The following ADAP1 variants were observed in gnomAD, a reference collection of about 807,000 sequenced individuals.
The protein encoded by ADAP1 is ArfGAP with dual PH domains 1, also known as arf-GAP with dual PH domain-containing protein 1.
ADAP1 carries 31 observed loss-of-function variants against 54.9 expected under a neutral mutation model. The observed-to-expected ratio is 0.56, with a 90% CI of 0.42 to 0.76. ADAP1 has a LOEUF of 0.76. Among genes scored for constraint, ADAP1 ranks in the 30% least tolerant of loss-of-function variants. The probability of loss-of-function intolerance (pLI) is 0.00; values close to 1 mark genes in which losing one functional copy is unlikely to be tolerated. For missense variants in ADAP1, 535 were observed against 512.4 expected, an observed-to-expected ratio of 1.04 and a Z score of -0.42; for synonymous variants, 313 against 202.6, an observed-to-expected ratio of 1.55 and a Z score of -4.63.
intron 7 of ADAP1, 25 bp downstream of exon 7, chr7:900,508 A>T (rs1433308908): frequency 7.3e-7 from 1 of 1,373,906 alleles, no homozygotes; most frequent in Non-Finnish European, 1.0e-6. Context: ...TCTGCCCTGG[A>T]GCTGACCGCA....
chr7:902,008 G>A (rs1446700320), intron 6 of ADAP1, among the ~76,000 whole-genome samples: 1 of 152,044 alleles, frequency 6.6e-6, no homozygotes, highest in East Asian at 1.9e-4. Context: ...TGCACTCCAC[G>A]CTGGAGCTCT....
At chr7:936,137 T>G (rs559388075) in intron 1 of ADAP1, among the ~76,000 whole-genome samples, 3 of 152,290 alleles carry the variant, frequency 2.0e-5, no homozygotes, top group Middle Eastern at 3.4e-3. Context: ...ATGTCTGGTT[T>G]GCCTTAAAAG....
upstream of ADAP1, chr7:955,383 C>G (rs1251615790): frequency 3.2e-6 from 5 of 1,550,234 alleles, no homozygotes; most frequent in East Asian, 9.8e-5. Context: ...ATGCAGTACA[C>G]CCGGCTGAAA....
At chr7:948,436 A>C (rs1473976402) in intron 1 of ADAP1, among the ~76,000 whole-genome samples, 2 of 152,086 alleles carry the variant, frequency 1.3e-5, no homozygotes, top group Admixed American at 6.6e-5. Flanking sequence ...TCCATGAGGA[A>C]AACAGTCACT....
At position 918,604 on chromosome 7, in the gene ADAP1, T is replaced by G. The variant is rs987761922; in HGVS notation, c.388+1364A>C. 5.3e-5 allele frequency among the ~76,000 whole-genome samples: 8 copies of G among 152,210 alleles called. No homozygotes were observed. The East Asian group carries it at 1.5e-3, about 29-fold the overall frequency. Reference sequence around the variant, plus strand: ...CGGGCCCTGGGGGCTGCTTCCTTCCTCACGTGGCCATGCCCAGCAGCACCA... The same window carrying G: ...CGGGCCCTGGGGGCTGCTTCCTTCCGCACGTGGCCATGCCCAGCAGCACCA... On this transcript the variant is annotated intron_variant, in intron 4 of 10. Coordinates refer to ENST00000265846, the MANE Select transcript of ADAP1 (RefSeq NM_006869.4).
chr7:918,560 A>T (rs963130280), intron 4 of ADAP1, among the ~76,000 whole-genome samples: 1 of 152,142 alleles, frequency 6.6e-6, no homozygotes, highest in Non-Finnish European at 1.5e-5. Context: ...CAGTGGGGGC[A>T]GTGCTGGGGT....
At chr7:929,545 G>T (rs535307648) in intron 2 of ADAP1, among the ~76,000 whole-genome samples, 6 of 150,310 alleles carry the variant, frequency 4.0e-5, no homozygotes, top group Non-Finnish European at 8.9e-5. Flanking sequence ...ACAAGACCAC[G>T]TATTGCATGA....
chr7:916,543 G>A (rs555700891), intron 4 of ADAP1, among the ~76,000 whole-genome samples: 1 of 152,280 alleles, frequency 6.6e-6, no homozygotes, highest in South Asian at 2.1e-4. Flanking sequence ...AAACGGAGGG[G>A]CTCTGGGGTG....
At chr7:904,312 C>T (rs373419853) in intron 5 of ADAP1, 40 bp from the exon 6 acceptor site, 97 of 1,530,538 alleles carry the variant, frequency 6.3e-5, no homozygotes, top group Admixed American at 3.7e-4. Flanking sequence ...CAGGGGCCGT[C>T]GTCCAAGCTC....
chr7:911,912 G>A (rs1203673300), intron 4 of ADAP1, among the ~76,000 whole-genome samples: 1 of 152,116 alleles, frequency 6.6e-6, no homozygotes, highest in Non-Finnish European at 1.5e-5. Flanking sequence ...CCCCCCGAGG[G>A]GCAGCCCCAC....
At chr7:954,993 A>G (rs1847352240), upstream of ADAP1, among the ~76,000 whole-genome samples, 1 of 152,124 alleles carries the variant, frequency 6.6e-6, no homozygotes, top group African/African-American at 2.4e-5. Context: ...GCCCCCCAAG[A>G]CCATGGGCAT....
intron 6 of ADAP1, 45 bp from the exon 7 acceptor site, chr7:900,661 C>CGCGGGGGTCCCCACAGAGGG: frequency 6.9e-7 from 1 of 1,443,280 alleles, no homozygotes; most frequent in African/African-American, 1.4e-5. Flanking sequence ...GAGGCTGCAG[C>CGCGGGGGTCCCCACAGAGGG]GCTGGGGTCC....
rs1554272421 is a variant in ADAP1 at position 906,709 on chromosome 7, C to CA, written c.389-1538_389-1537insT. On this transcript the variant is annotated intron_variant, in intron 4 of 10. Transcript: ENST00000265846. ...ACACGGGGGACATGGACATGGGGGACGGGACATCGGGGACGGGACATGGGG... is the reference window on the plus strand; with the variant it reads ...ACACGGGGGACATGGACATGGGGGACAGGGACATCGGGGACGGGACATGGGG... 4.8e-4 allele frequency among the ~76,000 whole-genome samples: 20 copies of CA among 41,686 alleles called. 2 individuals carry two copies. Among genetic ancestry groups the CA allele is most frequent in the African/African-American group, 1.9e-3 (17 of 8,722 alleles). 27.3% of individuals were successfully genotyped at this position (41,686 alleles called of 152,430 possible).
At chr7:917,550 C>T (rs1273582950) in intron 4 of ADAP1, among the ~76,000 whole-genome samples, 6 of 152,300 alleles carry the variant, frequency 3.9e-5, no homozygotes, top group South Asian at 2.1e-4. Context: ...TTGCAACCTC[C>T]GCCTTCCAGG....
intron 4 of ADAP1, among the ~76,000 whole-genome samples, chr7:910,929 G>A (rs1353566265): frequency 6.6e-6 from 1 of 152,170 alleles, no homozygotes; most frequent in Non-Finnish European, 1.5e-5. Context: ...CGGAGCCCAC[G>A]GCAGAGCAGT....
chr7:898,915 C>G lies in ADAP1; in HGVS notation c.*6G>C, dbSNP rs1280329782. ...TCCAATGTCCGTGGTCCTCCAGCCG[C>G]ACTCGCTAAGGTTTATGCTTGAAGT... On this transcript the variant is annotated 3_prime_UTR_variant, in exon 11 of 11. Coordinates refer to ENST00000265846, the MANE Select transcript of ADAP1 (RefSeq NM_006869.4). 1.2e-6 allele frequency: 2 copies of G among 1,601,644 alleles called. No individual in the cohort carries two copies. Among genetic ancestry groups the G allele is most frequent in the Non-Finnish European group, 1.7e-6 (2 of 1,174,792 alleles).
At chr7:901,055 G>A (rs1214214696) in intron 6 of ADAP1, 8 of 471,638 alleles carry the variant, frequency 1.7e-5, no homozygotes, top group Non-Finnish European at 3.5e-5. Context: ...GAGAAGGGAG[G>A]CTCATCTGTT....
At chr7:952,604 C>T in intron 1 of ADAP1, among the ~76,000 whole-genome samples, 1 of 152,154 alleles carries the variant, frequency 6.6e-6, no homozygotes, top group Admixed American at 6.5e-5. Context: ...TGGCCACAGC[C>T]CTGGGGAGCG....
Position 899,191 on chromosome 7 carries a change from G to A in ADAP1, c.938C>T (p.Pro313Leu), listed in dbSNP as rs751478347. ...ESGYTVLHGF[P>L]PSTQGHHWPH... ...CCAGTGGTGGCCCTGGGTGGACGGC[G>A]GGAACCCATGCAGCACCGTGTAGCC... The change falls in exon 10 of 11, where the codon CCG becomes CTG. Residue 313 changes from proline (P) to leucine (L), a missense_variant. By Grantham distance (98) the Pro-to-Leu change is moderately conservative. Transcript: ENST00000265846. The A allele has an allele frequency of 7.4e-6, 12 of 1,612,418 alleles. No homozygotes were observed. The highest frequency in any genetic ancestry group is 6.7e-5 in the Admixed American group (4 of 60,032).
Sources: allele counts gnomAD v4.1 joint callset (sites outside exome capture counted in the v4.1 genomes callset), GRCh38; gene constraint gnomAD v4.1.1; transcripts MANE v1.5; gene names NCBI Gene and HGNC (gene_info 2026-07-23, HGNC 2026-07-21).